CPEB3: variants seen among roughly 807,000 people sequenced by gnomAD.
The protein encoded by CPEB3 is cytoplasmic polyadenylation element-binding protein 3.
Under a neutral mutation model 67.2 loss-of-function variants are expected in CPEB3, and 20 were observed. The ratio of observed to expected loss-of-function variants is 0.30; its 90% CI spans 0.21 to 0.43. The LOEUF is 0.43. Ranked by LOEUF, CPEB3 falls within the 20% of genes least tolerant of loss-of-function variation. The pLI is 1.00. For synonymous variants in CPEB3, 376 were observed against 393.1 expected, an observed-to-expected ratio of 0.96 and a Z score of 0.51; for missense variants, 746 against 968.6, an observed-to-expected ratio of 0.77 and a Z score of 3.05.
chr10:92,280,762 T>C (rs1329382050), intron 1 of CPEB3, among the ~76,000 whole-genome samples: 4 of 143,136 alleles, frequency 2.8e-5, no homozygotes, highest in African/African-American at 5.2e-5. Flanking sequence ...TCTTTTTTTT[T>C]TTTTTTTTTT....
rs190485729 is a variant in CPEB3 at position 92,247,046 on chromosome 10, T to C, written c.-11-6685A>G. On this transcript the variant is annotated intron_variant, in intron 1 of 9. Coordinates refer to ENST00000265997, the MANE Select transcript of CPEB3 (RefSeq NM_014912.5). Reference sequence around the variant, plus strand: ...AAAACACACTAATCTCTGCTTTTTTTCCCCTAAAATGAGCCTCAAATCTAA... The same window carrying C: ...AAAACACACTAATCTCTGCTTTTTTCCCCCTAAAATGAGCCTCAAATCTAA... Among the ~76,000 whole-genome samples the C allele has an allele frequency of 1.2e-3, 189 of 152,226 alleles. 1 individual carries two copies. Among genetic ancestry groups the C allele is most frequent in the Non-Finnish European group, 1.7e-3 (117 of 68,022 alleles).
chr10:92,253,385 G>T (rs141340327), intron 1 of CPEB3, among the ~76,000 whole-genome samples: 1 of 142,656 alleles, frequency 7.0e-6, no homozygotes, highest in Non-Finnish European at 1.5e-5. Context: ...ACTTGAACCC[G>T]AGAGGTGGAG....
intron 3 of CPEB3, among the ~76,000 whole-genome samples, chr10:92,182,980 G>A (rs1848529701): frequency 6.6e-6 from 1 of 152,042 alleles, no homozygotes. Flanking sequence ...TGATAAAACT[G>A]TTCTAACTTT....
chr10:92,139,727 G>A (rs952305912), intron 6 of CPEB3, among the ~76,000 whole-genome samples: 1 of 152,070 alleles, frequency 6.6e-6, no homozygotes, highest in African/African-American at 2.4e-5. Context: ...AAATGCTTGA[G>A]GTGATGAATA....
At chr10:92,240,722 G>C (rs1021570731) in intron 1 of CPEB3, among the ~76,000 whole-genome samples, 1 of 152,054 alleles carries the variant, frequency 6.6e-6, no homozygotes, top group African/African-American at 2.4e-5. Flanking sequence ...ACTGATTCTG[G>C]TTCCTGTTTT....
chr10:92,265,790 CTT>C (rs761530938), intron 1 of CPEB3, among the ~76,000 whole-genome samples: 5 of 138,370 alleles, frequency 3.6e-5, no homozygotes, highest in Admixed American at 1.5e-4. Context: ...AAAAAGTTTT[CTT>C]TTTTTTTTTT....
rs1327798313 is a variant in CPEB3, at chr10:92,265,575, G to A, written c.-11-25214C>T. Among the ~76,000 whole-genome samples the A allele has an allele frequency of 2.0e-5, 3 of 151,926 alleles. No homozygotes were observed. In the South Asian group the frequency reaches 6.2e-4, roughly 32 times the overall value. On this transcript the variant is annotated intron_variant, in intron 1 of 9. Transcript: ENST00000265997. Reference sequence around the variant, plus strand: ...AGTTTGAGACCAGCCCGGCCAACATGGTGAAACCCCATCTACTAAAAATAA... The same window carrying A: ...AGTTTGAGACCAGCCCGGCCAACATAGTGAAACCCCATCTACTAAAAATAA...
chr10:92,086,986 G>C (rs778208462), intron 8 of CPEB3, among the ~76,000 whole-genome samples: 1 of 152,150 alleles, frequency 6.6e-6, no homozygotes, highest in Non-Finnish European at 1.5e-5. Context: ...CTTAGGACAT[G>C]GTGAAAAAGC....
At chr10:92,160,869 CA>C (rs1461750886) in intron 4 of CPEB3, among the ~76,000 whole-genome samples, 8 of 152,246 alleles carry the variant, frequency 5.3e-5, no homozygotes, top group Non-Finnish European at 1.2e-4. Context: ...GGAAGAGTTA[CA>C]AAAGACCTAC....
At chr10:92,283,722 C>CCT (rs1842401507) in intron 1 of CPEB3, among the ~76,000 whole-genome samples, 1 of 108,952 alleles carries the variant, frequency 9.2e-6, no homozygotes, top group Non-Finnish European at 1.9e-5. Context: ...CTTTTTCTTT[C>CCT]TTTTTTTTTT....
At chr10:92,202,036 G>C (rs1011931661) in intron 2 of CPEB3, among the ~76,000 whole-genome samples, 1 of 152,008 alleles carries the variant, frequency 6.6e-6, no homozygotes, top group Non-Finnish European at 1.5e-5. Flanking sequence ...CATCTTGCAA[G>C]ACTTTTACTT....
intron 1 of CPEB3, among the ~76,000 whole-genome samples, chr10:92,253,855 C>G (rs950775341): frequency 6.6e-6 from 1 of 152,072 alleles, no homozygotes; most frequent in African/African-American, 2.4e-5. Context: ...GTCATTTAAG[C>G]TAAAGAAATA....
intron 4 of CPEB3, among the ~76,000 whole-genome samples, chr10:92,163,809 T>C (rs1452607058): frequency 1.3e-5 from 2 of 152,194 alleles, no homozygotes; most frequent in African/African-American, 4.8e-5. Flanking sequence ...CCATGAACAA[T>C]ATGAAAGTAG....
intron 9 of CPEB3, among the ~76,000 whole-genome samples, chr10:92,057,127 G>A (rs867138064): frequency 1.3e-5 from 2 of 152,126 alleles, no homozygotes; most frequent in Non-Finnish European, 2.9e-5. Flanking sequence ...GTACCAGTAC[G>A]GCCACAGTTG....
intron 1 of CPEB3, among the ~76,000 whole-genome samples, chr10:92,287,876 C>A (rs1031509202): frequency 1.3e-5 from 2 of 152,050 alleles, no homozygotes; most frequent in African/African-American, 4.8e-5. Flanking sequence ...GCAGTCACTC[C>A]CCATTTCTCC....
chr10:92,055,013 A>G (rs190337443), intron 9 of CPEB3, among the ~76,000 whole-genome samples: 4 of 152,362 alleles, frequency 2.6e-5, no homozygotes, highest in Admixed American at 2.6e-4. Context: ...TCATGCAGCC[A>G]TGAAAAAGAC....
At chr10:92,078,867 GA>G (rs1843033906) in intron 9 of CPEB3, among the ~76,000 whole-genome samples, 1 of 152,136 alleles carries the variant, frequency 6.6e-6, no homozygotes, top group Non-Finnish European at 1.5e-5. Context: ...AATTTATTAT[GA>G]TTCTTACAGG....
At chr10:92,134,204 T>C (rs956189098) in intron 6 of CPEB3, among the ~76,000 whole-genome samples, 25 of 152,210 alleles carry the variant, frequency 1.6e-4, no homozygotes, top group Middle Eastern at 3.4e-3. Flanking sequence ...GGGTATTCAA[T>C]TAGGAAAAGA....
intron 8 of CPEB3, 60 bp from the exon 9 acceptor site, chr10:92,081,561 G>A (rs1313226602): frequency 7.1e-7 from 1 of 1,412,220 alleles, no homozygotes; most frequent in Non-Finnish European, 9.8e-7. Context: ...TCTTGCCCAG[G>A]AGAAGGAAGA....
Sources: allele counts gnomAD v4.1 joint callset (sites outside exome capture counted in the v4.1 genomes callset), GRCh38; gene constraint gnomAD v4.1.1; transcripts MANE v1.5; gene names NCBI Gene and HGNC (gene_info 2026-07-23, HGNC 2026-07-21).